Variants in SLC12A7 observed in about 807,000 individuals in gnomAD.
SLC12A7 encodes solute carrier family 12 member 7, also known as K-Cl cotransporter 4.
Under a neutral mutation model 120.6 loss-of-function variants are expected in SLC12A7, and 100 were observed. That is an observed-to-expected ratio of 0.83 (90% CI 0.71 to 0.98). The LOEUF is 0.98. SLC12A7 is among the 50% of genes least tolerant of loss of function. The pLI, the probability that SLC12A7 is intolerant of heterozygous loss-of-function variation, is 0.00. For missense variants in SLC12A7, 1,373 were observed against 1,548.1 expected, an observed-to-expected ratio of 0.89 and a Z score of 1.90; for synonymous variants, 760 against 678.0, an observed-to-expected ratio of 1.12 and a Z score of -1.88.
rs773951132 is a variant in SLC12A7, at chr5:1,076,156, C to A, written c.1829G>T (p.Arg610Leu). Residue 610 changes from arginine (R) to leucine (L), a missense_variant, in exon 14 of 24, where the codon CGC becomes CTC. Arg to Leu is a moderately radical substitution (Grantham distance 102, BLOSUM62 -2). Coordinates refer to ENST00000264930, the MANE Select transcript of SLC12A7 (RefSeq NM_006598.3). ...TLLRTPNWRP[R>L]FKFYHWTLSF... ...GCCTCACCAGTGGTAGAACTTGAAGCGTGGACGCCAGTTGGGGGTACGTAG... is the reference window on the plus strand; with the variant it reads ...GCCTCACCAGTGGTAGAACTTGAAGAGTGGACGCCAGTTGGGGGTACGTAG... The A allele has an allele frequency of 6.2e-7, 1 of 1,611,444 alleles. No individual in the cohort carries two copies. The highest frequency in any genetic ancestry group is 8.5e-7 in the Non-Finnish European group (1 of 1,179,242).
Position 1,100,737 on chromosome 5 carries a change from C to T in SLC12A7, c.125-6489G>A, listed in dbSNP as rs1383629047. Among the ~76,000 whole-genome samples the T allele has an allele frequency of 3.3e-5, 5 of 152,250 alleles. No homozygotes were observed. In the East Asian group the frequency reaches 9.6e-4, roughly 29 times the overall value. On this transcript the variant is annotated intron_variant, in intron 1 of 23. Coordinates refer to ENST00000264930, the MANE Select transcript of SLC12A7 (RefSeq NM_006598.3). ...CCACGAGAGAAAACACCAGACACCT[C>T]CCAACTGAGGGGCATTCTCTAAAAA... is the stretch of plus-strand genomic sequence containing the variant.
rs918344254 is a variant in SLC12A7 at position 1,065,430 on chromosome 5, G to T, written c.2290C>A (p.Leu764Met). The T allele has an allele frequency of 1.2e-6, 2 of 1,611,462 alleles. No homozygotes were observed. Among genetic ancestry groups the T allele is most frequent in the South Asian group, 2.2e-5 (2 of 90,912 alleles). Residue 764 changes from leucine (L) to methionine (M), a missense_variant, in exon 18 of 24, where the codon CTG becomes ATG. Transcript: ENST00000264930. ...TCCCGCAGGCTGGACGAGACCACCA[G>T]CTGGCAGAAGCCCTTGGTCTTCTCT... Reference protein sequence around the residue: ...STEKTKGFCQLVVSSSLRDGM... With the variant: ...STEKTKGFCQMVVSSSLRDGM...
chr5:1,129,700 C>T, the SLC12A7 span, among the ~76,000 whole-genome samples: 2 of 151,720 alleles, frequency 1.3e-5, no homozygotes, highest in Non-Finnish European at 2.9e-5. Flanking sequence ...CACTGTTTCA[C>T]GGAAAAAGTC....
At chr5:1,122,794 C>T in the SLC12A7 span, among the ~76,000 whole-genome samples, 1 of 152,270 alleles carries the variant, frequency 6.6e-6, no homozygotes, top group Non-Finnish European at 1.5e-5. Context: ...TCTGGACGGG[C>T]ACGTTTTGTT....
At chr5:1,066,692 C>T (rs1045352885) in intron 17 of SLC12A7, among the ~76,000 whole-genome samples, 23 of 152,184 alleles carry the variant, frequency 1.5e-4, no homozygotes, top group Non-Finnish European at 1.5e-5. Flanking sequence ...TGACAAGTGA[C>T]CTTACAGGAT....
the SLC12A7 span, among the ~76,000 whole-genome samples, chr5:1,127,306 C>A: frequency 1.3e-5 from 2 of 152,254 alleles, no homozygotes; most frequent in Non-Finnish European, 2.9e-5. Flanking sequence ...AGCCACCACG[C>A]CTGGCCGACT....
chr5:1,091,437 G>A (rs1389235042), intron 3 of SLC12A7, among the ~76,000 whole-genome samples: 4 of 152,192 alleles, frequency 2.6e-5, no homozygotes, highest in Non-Finnish European at 5.9e-5. Flanking sequence ...TGTTCCCGGA[G>A]CACTCGGACC....
At chr5:1,130,670 G>A in the SLC12A7 span, among the ~76,000 whole-genome samples, 2 of 152,250 alleles carry the variant, frequency 1.3e-5, no homozygotes, top group Admixed American at 1.3e-4. Context: ...GGGCCTGCAG[G>A]TGCACCTGTG....
At chr5:1,149,968 T>A in the SLC12A7 span, among the ~76,000 whole-genome samples, 44 of 152,224 alleles carry the variant, frequency 2.9e-4, no homozygotes, top group African/African-American at 9.6e-4. Context: ...AGGTGGAGGT[T>A]GCGGTGAGCT....
At chr5:1,132,826 C>T in the SLC12A7 span, among the ~76,000 whole-genome samples, 6 of 152,206 alleles carry the variant, frequency 3.9e-5, no homozygotes, top group African/African-American at 9.7e-5. Context: ...GTAGGGCTGC[C>T]GGATAAGACA....
chr5:1,091,681 G>GTAC (rs1740513149), intron 3 of SLC12A7, among the ~76,000 whole-genome samples: 2 of 152,194 alleles, frequency 1.3e-5, no homozygotes, highest in Admixed American at 1.3e-4. Flanking sequence ...GTGCGGAAAG[G>GTAC]TACTGAGTGC....
the SLC12A7 span, among the ~76,000 whole-genome samples, chr5:1,146,735 A>T: frequency 6.6e-6 from 1 of 152,116 alleles, no homozygotes; most frequent in Admixed American, 6.5e-5. The surrounding 1 kb of genome is among the most constrained non-coding windows in gnomAD (Gnocchi z 6.5). Flanking sequence ...GCATGATGAA[A>T]CCTTGGCCTC....
the SLC12A7 span, among the ~76,000 whole-genome samples, chr5:1,151,234 G>A: frequency 6.6e-6 from 1 of 152,198 alleles, no homozygotes; most frequent in East Asian, 1.9e-4. The surrounding 1 kb of genome is among the most constrained non-coding windows in gnomAD (Gnocchi z 6.2). Flanking sequence ...CTCAGGCAAC[G>A]AACTCTTCAC....
intron 1 of SLC12A7, among the ~76,000 whole-genome samples, chr5:1,103,005 A>G (rs1371751168): frequency 6.6e-6 from 1 of 152,182 alleles, no homozygotes; most frequent in African/African-American, 2.4e-5. Context: ...AAGTGTGTTT[A>G]GGTTCCAGGA....
At chr5:1,136,718 C>T in the SLC12A7 span, among the ~76,000 whole-genome samples, 3 of 144,426 alleles carry the variant, frequency 2.1e-5, no homozygotes, top group African/African-American at 7.6e-5. Context: ...CCAGGACACG[C>T]AGGCACACGT....
the SLC12A7 span, among the ~76,000 whole-genome samples, chr5:1,127,476 G>C: frequency 6.6e-6 from 1 of 152,180 alleles, no homozygotes; most frequent in African/African-American, 2.4e-5. Context: ...TAGAGCCTCC[G>C]GAGGGCGTGC....
intron 1 of SLC12A7, among the ~76,000 whole-genome samples, chr5:1,096,979 CACAG>C (rs1447057506): frequency 1.3e-5 from 2 of 152,048 alleles, no homozygotes; most frequent in East Asian, 1.9e-4. Flanking sequence ...CAGCCAACCC[CACAG>C]ACAACCTTGG....
rs145819377 is a variant in SLC12A7 at position 1,079,294 on chromosome 5, A to C, written c.1396+104T>G. On this transcript the variant is annotated intron_variant, in intron 10 of 23. Coordinates refer to ENST00000264930, the MANE Select transcript of SLC12A7 (RefSeq NM_006598.3). Reference sequence around the variant, plus strand: ...GGTGAGAGCACAGCCTAACCTGGGAAGTCACATGCTGGTGGCCGAGGGTAT... The same window carrying C: ...GGTGAGAGCACAGCCTAACCTGGGACGTCACATGCTGGTGGCCGAGGGTAT... 1.9e-3 allele frequency: 1,569 copies of C among 848,030 alleles called. 22 individuals are homozygous for C. The highest frequency in any genetic ancestry group is 0.013 in the South Asian group (887 of 67,772). The allele number at this position is 848,030 out of a possible 1,614,324, so 52.5% of individuals were successfully genotyped here. A position where few individuals can be genotyped will look rare whatever the true frequency, so the allele number is the denominator to read the frequency against.
At chr5:1,081,077 C>T (rs28455932) in intron 9 of SLC12A7, among the ~76,000 whole-genome samples, 3 of 14,316 alleles carry the variant, frequency 2.1e-4, no homozygotes, top group African/African-American at 2.5e-4. Context: ...GAGAGAGAGA[C>T]AGACAGAGAG....
Sources: gnomAD v4.1 joint callset for allele counts (sites outside exome capture counted in the v4.1 genomes callset) on GRCh38, gnomAD v4.1.1 for gene constraint, Gnocchi (gnomAD v3.1) non-coding constraint, MANE v1.5 for transcripts, NCBI Gene and HGNC (gene_info 2026-07-23, HGNC 2026-07-21) for gene names.